MCC: variants seen among roughly 807,000 people sequenced by gnomAD.
MCC encodes the protein colorectal mutant cancer protein.
MCC carries 90 observed loss-of-function variants against 116.2 expected under a neutral mutation model. That is an observed-to-expected ratio of 0.77 (90% CI 0.65 to 0.92). The LOEUF (loss-of-function observed/expected upper bound fraction) is 0.92, where lower values mean the gene tolerates loss of function less well. Ranked by LOEUF, MCC falls within the 40% of genes least tolerant of loss-of-function variation. The pLI is 0.00. For missense variants in MCC, 1,516 were observed against 1,312.2 expected, an observed-to-expected ratio of 1.16 and a Z score of -2.40; for synonymous variants, 578 against 510.5, an observed-to-expected ratio of 1.13 and a Z score of -1.78.
rs148757144 is a variant in MCC at position 113,341,434 on chromosome 5, C to T, written c.416-704G>A. Among the ~76,000 whole-genome samples, 32 of 152,272 alleles carry T rather than the reference C, an allele frequency of 2.1e-4. No homozygotes were observed. The East Asian group carries it at 6.2e-3, about 29-fold the overall frequency. ...TCCTGGGTTCAAGAAATCCTCCTGC[C>T]TTGGCCTCCCAAAATGCTAGGATTA... On this transcript the variant is annotated intron_variant, in intron 2 of 18. Coordinates refer to ENST00000408903, the MANE Select transcript of MCC (RefSeq NM_001085377.2).
chr5:113,389,696 G>A (rs1013314120), intron 1 of MCC, among the ~76,000 whole-genome samples: 2 of 152,080 alleles, frequency 1.3e-5, no homozygotes, highest in East Asian at 1.9e-4. Flanking sequence ...TTGATGCTAC[G>A]TCAATTCCCT....
At chr5:113,057,513 G>T (rs933200625) in intron 14 of MCC, among the ~76,000 whole-genome samples, 1 of 152,156 alleles carries the variant, frequency 6.6e-6, no homozygotes, top group African/African-American at 2.4e-5. Context: ...AAAATGAGAG[G>T]GGAGAAGCAG....
intron 3 of MCC, among the ~76,000 whole-genome samples, chr5:113,275,465 C>T (rs1765786623): frequency 6.6e-6 from 1 of 152,012 alleles, no homozygotes; most frequent in South Asian, 2.1e-4. Flanking sequence ...CAATTTTGGG[C>T]CAGAAAATAA....
At chr5:113,486,584 C>T (rs1461574558) in intron 1 of MCC, among the ~76,000 whole-genome samples, 5 of 152,314 alleles carry the variant, frequency 3.3e-5, no homozygotes, top group South Asian at 4.1e-4. Context: ...TGGCTCAGGC[C>T]TGTAATCTCA....
At position 113,140,862 on chromosome 5, in the gene MCC, T is replaced by C. The variant is rs1328154676; in HGVS notation, c.884+2356A>G. Reference sequence around the variant, plus strand: ...TTCATCCACGGTGCCTAGTTCCTACTGCATTTGGCCCATCACAGCATATTA... The same window carrying C: ...TTCATCCACGGTGCCTAGTTCCTACCGCATTTGGCCCATCACAGCATATTA... On this transcript the variant is annotated intron_variant, in intron 5 of 18. Transcript: ENST00000408903. Among the ~76,000 whole-genome samples, 22 of 152,216 alleles carry C rather than the reference T, an allele frequency of 1.4e-4. 1 individual carries two copies.
At chr5:113,483,646 G>A (rs1400791167) in intron 1 of MCC, among the ~76,000 whole-genome samples, 3 of 151,716 alleles carry the variant, frequency 2.0e-5, no homozygotes, top group African/African-American at 7.3e-5. Context: ...TATCCTCAAA[G>A]ACCTAAAGAC....
Position 113,027,289 on chromosome 5 carries a change from G to T in MCC, c.*13C>A. The T allele has an allele frequency of 1.2e-6, 2 of 1,613,568 alleles. No homozygotes were observed. The highest frequency in any genetic ancestry group is 1.7e-4 in the Middle Eastern group (1 of 6,058). Reference sequence around the variant, plus strand: ...TACTTCCCATGGGCAGAACTCCGGTGCGTGAGTGCTGATTAAAGCGAAGTT... The same window carrying T: ...TACTTCCCATGGGCAGAACTCCGGTTCGTGAGTGCTGATTAAAGCGAAGTT... On this transcript the variant is annotated 3_prime_UTR_variant, in exon 19 of 19. Coordinates refer to ENST00000408903, the MANE Select transcript of MCC (RefSeq NM_001085377.2).
intron 3 of MCC, among the ~76,000 whole-genome samples, chr5:113,159,479 A>T (rs183941055): frequency 1.6e-4 from 24 of 152,258 alleles, no homozygotes; most frequent in African/African-American, 5.5e-4. Flanking sequence ...TGAAACTGAG[A>T]CTCAGAGAGG....
At chr5:113,027,846 A>G (rs1302886613) in intron 18 of MCC, among the ~76,000 whole-genome samples, 3 of 152,224 alleles carry the variant, frequency 2.0e-5, no homozygotes, top group African/African-American at 7.2e-5. Context: ...CAACATAGTC[A>G]AGTGTATCTT....
chr5:113,073,712 C>A (rs1057298008), intron 11 of MCC, among the ~76,000 whole-genome samples: 2 of 151,402 alleles, frequency 1.3e-5, no homozygotes, highest in African/African-American at 4.9e-5. Context: ...TCTTCAGATG[C>A]CTGCCCTGAC....
At chr5:113,131,404 T>A (rs1324450333) in intron 5 of MCC, among the ~76,000 whole-genome samples, 1 of 152,212 alleles carries the variant, frequency 6.6e-6, no homozygotes, top group Middle Eastern at 3.2e-3. Context: ...GTGCGTGTTA[T>A]ATGATCAGAT....
chr5:113,343,863 T>C (rs1007172144), intron 2 of MCC, among the ~76,000 whole-genome samples: 1 of 152,164 alleles, frequency 6.6e-6, no homozygotes, highest in African/African-American at 2.4e-5. Flanking sequence ...AGTTCTGAGG[T>C]GGAGCAAGAT....
intron 3 of MCC, among the ~76,000 whole-genome samples, chr5:113,212,780 G>A: frequency 6.6e-6 from 1 of 152,128 alleles, no homozygotes; most frequent in East Asian, 1.9e-4. Flanking sequence ...TCAGAGGGAG[G>A]CATTCCTGTA....
intron 3 of MCC, among the ~76,000 whole-genome samples, chr5:113,312,259 A>G (rs1002070127): frequency 3.3e-5 from 5 of 152,184 alleles, no homozygotes; most frequent in African/African-American, 1.2e-4. Flanking sequence ...TCTGGGCAAC[A>G]AAGCAGAACT....
chr5:113,241,905 T>G (rs1405113017), intron 3 of MCC, among the ~76,000 whole-genome samples: 1 of 152,188 alleles, frequency 6.6e-6, no homozygotes, highest in Admixed American at 6.5e-5. Flanking sequence ...AATCCAGCTA[T>G]TCCCATAGAG....
intron 3 of MCC, among the ~76,000 whole-genome samples, chr5:113,302,908 G>A (rs148549173): frequency 6.6e-6 from 1 of 152,312 alleles, no homozygotes; most frequent in Non-Finnish European, 1.5e-5. Flanking sequence ...CAGGTAAGAG[G>A]ATGTTTGTGG....
intron 3 of MCC, among the ~76,000 whole-genome samples, chr5:113,292,481 T>C (rs1409257122): frequency 3.3e-5 from 5 of 152,172 alleles, no homozygotes; most frequent in Admixed American, 1.3e-4. Flanking sequence ...ACTGCTCAAA[T>C]AGTTTTCCAG....
chr5:113,400,493 C>T (rs1769655675), intron 1 of MCC, among the ~76,000 whole-genome samples: 1 of 152,044 alleles, frequency 6.6e-6, no homozygotes, highest in African/African-American at 2.4e-5. Context: ...TAATGTATTT[C>T]CCCCTTGGAT....
At chr5:113,322,817 T>C (rs1243426496) in intron 3 of MCC, among the ~76,000 whole-genome samples, 1 of 152,168 alleles carries the variant, frequency 6.6e-6, no homozygotes, top group African/African-American at 2.4e-5. Context: ...GAAAACTAAG[T>C]GATCAAGATG....
Sources: allele counts gnomAD v4.1 joint callset (sites outside exome capture counted in the v4.1 genomes callset), GRCh38; gene constraint gnomAD v4.1.1; transcripts MANE v1.5; gene names NCBI Gene and HGNC (gene_info 2026-07-23, HGNC 2026-07-21).